The following NEMP2 variants were observed in gnomAD, a reference collection of about 807,000 sequenced individuals.
The protein encoded by NEMP2 is nuclear envelope integral membrane protein 2.
A neutral mutation model predicts 54.2 loss-of-function variants in NEMP2; 53 were observed. The ratio of observed to expected loss-of-function variants is 0.98; its 90% CI spans 0.78 to 1.23. The LOEUF (loss-of-function observed/expected upper bound fraction) is 1.23. NEMP2 is among the 50% of genes most tolerant of loss of function. NEMP2 has a pLI of 0.00. For synonymous variants in NEMP2, 197 were observed against 190.3 expected (o/e 1.04, Z -0.29); for missense variants, 455 against 511.3 (o/e 0.89, Z 1.06).
chr2:190,569,106 A>G, the NEMP2 span, among the ~76,000 whole-genome samples: 2 of 152,214 alleles, frequency 1.3e-5, no homozygotes, highest in African/African-American at 4.8e-5. Context: ...GAATTAGAAC[A>G]TGCAGGTTGT....
At chr2:190,495,826 G>T in the NEMP2 span, among the ~76,000 whole-genome samples, 133,859 of 152,182 alleles carry the variant, frequency 0.88, 59,687 homozygotes, top group East Asian at 1. The surrounding 1 kb of genome is among the most constrained non-coding windows in gnomAD (Gnocchi z 4.7). Context: ...ATTTCTCACC[G>T]TATAAAAAAA....
the NEMP2 span, among the ~76,000 whole-genome samples, chr2:190,453,372 A>G: frequency 6.6e-6 from 1 of 152,198 alleles, no homozygotes; most frequent in African/African-American, 2.4e-5. Context: ...GGAAAGTTGC[A>G]TTGATAAGCC....
At chr2:190,435,287 T>C in the NEMP2 span, 1 of 152,264 alleles carries the variant, frequency 6.6e-6, no homozygotes, top group African/African-American at 2.4e-5. Context: ...AATGAATACA[T>C]GTAAAGATCT....
chr2:190,446,348 C>A, the NEMP2 span, among the ~76,000 whole-genome samples: 1 of 152,162 alleles, frequency 6.6e-6, no homozygotes, highest in African/African-American at 2.4e-5. Flanking sequence ...TTGGGAAGTT[C>A]CCCCAGATCT....
chr2:190,534,547 G>T lies in NEMP2; in HGVS notation c.97+12C>A. 1 of 1,393,352 alleles carries T rather than the reference G, an allele frequency of 7.2e-7. No homozygotes were observed. Among genetic ancestry groups the T allele is most frequent in the Non-Finnish European group, 9.3e-7 (1 of 1,076,966 alleles). The allele number at this position is 1,393,352 out of a possible 1,614,324, so 86.3% of individuals were successfully genotyped here. A position where few individuals can be genotyped will look rare whatever the true frequency, so the allele number is the denominator to read the frequency against. On this transcript the variant is annotated intron_variant, in intron 1 of 8. Coordinates refer to ENST00000409150, the MANE Select transcript of NEMP2 (RefSeq NM_001142645.2). ...ACGCACGCGCGCGCCGCCGCCGCCG[G>T]TCCCGGGTTACCTGATAACGCTGCC...
At chr2:190,552,474 G>A in the NEMP2 span, among the ~76,000 whole-genome samples, 1 of 152,144 alleles carries the variant, frequency 6.6e-6, no homozygotes, top group Non-Finnish European at 1.5e-5. Context: ...GGCTCCTGCT[G>A]TAATCCCAGT....
rs566613716 is a variant in NEMP2, at chr2:190,510,620, C to T, written c.954-83G>A. 1.7e-4 allele frequency: 249 copies of T among 1,435,714 alleles called. 1 individual carries two copies. In the South Asian group the frequency reaches 2.7e-3, roughly 16 times the overall value. The allele number at this position is 1,435,714 out of a possible 1,614,324, so 88.9% of individuals were successfully genotyped here. A position where few individuals can be genotyped will look rare whatever the true frequency, so the allele number is the denominator to read the frequency against. ...AAAATAGGCCAGGCTCGGTGGCTCA[C>T]GCCTGTAATCCAGCATTTTGGGAGG... On this transcript the variant is annotated intron_variant, in intron 7 of 8. Transcript: ENST00000409150. This position sits in a 1 kb window ranked among gnomAD's most constrained non-coding sequence, Gnocchi z 5.7.
the NEMP2 span, among the ~76,000 whole-genome samples, chr2:190,430,307 C>T: frequency 1.3e-5 from 2 of 149,134 alleles, no homozygotes; most frequent in Non-Finnish European, 3.0e-5. Context: ...AGCAGATAAA[C>T]AAGTGAACAA....
rs1690555138 is a variant in NEMP2, at chr2:190,516,341, G to A, written c.656C>T (p.Ser219Leu). Reference sequence around the variant, plus strand: ...CATCAACTGGCATACAATATAAACTGAGGCAAACCAACAACCAACCATTAG... The same window carrying A: ...CATCAACTGGCATACAATATAAACTAAGGCAAACCAACAACCAACCATTAG... The part of the protein sequence containing the change: ...WALMVGCWFA[S>L]VYIVCQLMED... The change falls in exon 6 of 9, where the codon TCA (serine) becomes TTA (leucine). Residue 219 changes from serine to leucine, a missense_variant. By Grantham distance (145) the Ser-to-Leu change is moderately radical. Around this residue, in one of 3 missense-constraint regions of NEMP2, gnomAD observed 294 missense variants for 333.6 expected, o/e 0.88. Transcript: ENST00000409150. 1 of 1,551,416 alleles carries A rather than the reference G, an allele frequency of 6.4e-7. No homozygotes were observed. The highest frequency in any genetic ancestry group is 8.7e-7 in the Non-Finnish European group (1 of 1,146,948).
the NEMP2 span, among the ~76,000 whole-genome samples, chr2:190,447,155 T>A: frequency 1.6e-3 from 239 of 152,260 alleles, 1 homozygote; most frequent in African/African-American, 5.6e-3. This position sits in a 1 kb window ranked among gnomAD's most constrained non-coding sequence, Gnocchi z 4.5. Flanking sequence ...ACTCAAGGTG[T>A]CTGACATGGA....
At chr2:190,437,077 C>A in the NEMP2 span, 1 of 1,614,236 alleles carries the variant, frequency 6.2e-7, no homozygotes. The surrounding 1 kb of genome is among the most constrained non-coding windows in gnomAD (Gnocchi z 5.9). Context: ...CGACTACACC[C>A]ACATCGAAGT....
chr2:190,483,187 C>T, the NEMP2 span, among the ~76,000 whole-genome samples: 14 of 152,072 alleles, frequency 9.2e-5, no homozygotes, highest in African/African-American at 3.1e-4. Flanking sequence ...CCACCGCGCC[C>T]GGCCGACTAT....
At chr2:190,497,787 A>G in the NEMP2 span, 1 of 1,489,072 alleles carries the variant, frequency 6.7e-7, no homozygotes, top group Non-Finnish European at 9.1e-7. The surrounding 1 kb of genome is among the most constrained non-coding windows in gnomAD (Gnocchi z 5.2). Flanking sequence ...GCTCAGTTTT[A>G]ATTACTCACT....
At chr2:190,492,232 T>G in the NEMP2 span, among the ~76,000 whole-genome samples, 1 of 152,196 alleles carries the variant, frequency 6.6e-6, no homozygotes, top group Non-Finnish European at 1.5e-5. This position sits in a 1 kb window ranked among gnomAD's most constrained non-coding sequence, Gnocchi z 5.2. Context: ...GAAAACACAT[T>G]TGATGAAATA....
the NEMP2 span, among the ~76,000 whole-genome samples, chr2:190,636,585 A>G: frequency 2.0e-5 from 3 of 152,360 alleles, no homozygotes; most frequent in East Asian, 3.9e-4. Flanking sequence ...TGGAACAACT[A>G]TGACTCACAG....
chr2:190,527,140 A>G lies in NEMP2; in HGVS notation c.98-1762T>C, dbSNP rs564092453. ...ATGGGTACACAAAGAAATGGGCTTT[A>G]CATCCAACCCCTGACTCCTTTAAGG... On this transcript the variant is annotated intron_variant, in intron 1 of 8. Transcript: ENST00000409150. This position sits in a 1 kb window ranked among gnomAD's most constrained non-coding sequence, Gnocchi z 4.0. Among the ~76,000 whole-genome samples, 112 of 152,340 alleles carry G rather than the reference A, an allele frequency of 7.4e-4. No homozygotes were observed. Among genetic ancestry groups the G allele is most frequent in the African/African-American group, 2.5e-3 (102 of 41,578 alleles).
chr2:190,614,841 T>C, the NEMP2 span, among the ~76,000 whole-genome samples: 3 of 152,252 alleles, frequency 2.0e-5, no homozygotes, highest in Admixed American at 1.3e-4. This position sits in a 1 kb window ranked among gnomAD's most constrained non-coding sequence, Gnocchi z 5.7. Flanking sequence ...AGGAAAACAA[T>C]AGGCTCCCAG....
At chr2:190,597,787 T>A in the NEMP2 span, among the ~76,000 whole-genome samples, 164 of 145,820 alleles carry the variant, frequency 1.1e-3, 1 homozygote, top group African/African-American at 4.0e-3. The surrounding 1 kb of genome is among the most constrained non-coding windows in gnomAD (Gnocchi z 4.7). Flanking sequence ...AGCAAAGAAT[T>A]AAAAAAAAAA....
chr2:190,586,460 G>A, the NEMP2 span, among the ~76,000 whole-genome samples: 1 of 152,170 alleles, frequency 6.6e-6, no homozygotes, highest in Non-Finnish European at 1.5e-5. The surrounding 1 kb of genome is among the most constrained non-coding windows in gnomAD (Gnocchi z 4.5). Context: ...CTTTTAGCAT[G>A]TTGAGTATAG....
Sources: allele counts gnomAD v4.1 joint callset (sites outside exome capture counted in the v4.1 genomes callset), GRCh38; gene constraint gnomAD v4.1.1; regional missense constraint gnomAD v4.1.1; non-coding constraint Gnocchi (gnomAD v3.1); transcripts MANE v1.5; gene names NCBI Gene and HGNC (gene_info 2026-07-23, HGNC 2026-07-21).